STX18: variants seen among roughly 807,000 people sequenced by gnomAD.
The protein encoded by STX18 is syntaxin-18.
A neutral mutation model predicts 50.1 loss-of-function variants in STX18; 40 were observed. The observed-to-expected ratio is 0.80, with a 90% confidence interval of 0.62 to 1.04. The LOEUF is 1.04. STX18 is among the 50% of genes least tolerant of loss of function. The probability of loss-of-function intolerance (pLI) is 0.00; values close to 1 mark genes in which losing one functional copy is unlikely to be tolerated. For synonymous variants in STX18, 158 were observed against 151.8 expected, an observed-to-expected ratio of 1.04 and a Z score of -0.30; for missense variants, 410 against 415.8, an observed-to-expected ratio of 0.99 and a Z score of 0.12.
chr4:4,434,801 T>G lies in STX18; in HGVS notation c.671A>C (p.Glu224Ala), dbSNP rs774231425. The change falls in exon 7 of 11, where the codon GAA becomes GCA. Residue 224 changes from glutamate (E) to alanine (A), a missense_variant. By Grantham distance (107) the Glu-to-Ala change is moderately radical. Transcript: ENST00000306200. ...TATTTCTTCTGGGGATAACTCATCT[T>G]CGCCTTTGCCATCTCCCCACGTTCC... ...ELGTWGDGKG[E>A]DELSPEEIQM... 6.2e-7 allele frequency: 1 copy of G among 1,607,662 alleles called. No homozygotes were observed. Among genetic ancestry groups the G allele is most frequent in the Non-Finnish European group, 8.5e-7 (1 of 1,178,430 alleles).
intron 2 of STX18, among the ~76,000 whole-genome samples, chr4:4,467,416 G>A (rs893099972): frequency 3.3e-5 from 5 of 152,194 alleles, no homozygotes; most frequent in Admixed American, 6.5e-5. Context: ...CTCGTTCGCT[G>A]TCATAACTTT....
intron 1 of STX18, among the ~76,000 whole-genome samples, chr4:4,471,935 G>A (rs912037394): frequency 3.9e-5 from 6 of 152,224 alleles, no homozygotes; most frequent in Non-Finnish European, 5.9e-5. Flanking sequence ...ATGACACTAT[G>A]AGTAGGTGAT....
chr4:4,433,981 A>G (rs1212337749), intron 7 of STX18, among the ~76,000 whole-genome samples: 4 of 152,202 alleles, frequency 2.6e-5, no homozygotes, highest in Non-Finnish European at 4.4e-5. Context: ...ATGTTCCACC[A>G]CCTCTTTGTG....
chr4:4,450,837 A>C lies in STX18; in HGVS notation c.497+6354T>G, dbSNP rs189733303. ...TCAGGACTGACTTCTTCAGGAAGTC[A>C]AAGGGCTTCACTGACTTTTAAAATA... On this transcript the variant is annotated intron_variant, in intron 5 of 10. Transcript: ENST00000306200. 5.1e-4 allele frequency among the ~76,000 whole-genome samples: 77 copies of C among 152,356 alleles called. 2 individuals are homozygous for C. In the East Asian group the frequency reaches 0.012, roughly 24 times the overall value.
At chr4:4,442,500 C>A (rs923743817) in intron 5 of STX18, among the ~76,000 whole-genome samples, 3 of 152,026 alleles carry the variant, frequency 2.0e-5, no homozygotes, top group Non-Finnish European at 4.4e-5. Context: ...ACCTGTAGTC[C>A]CAGCTACTCA....
In STX18 at chr4:4,420,741, G is replaced by C. The variant is rs1436324310; in HGVS notation, c.912+123C>G. On this transcript the variant is annotated intron_variant, in intron 10 of 10. Transcript: ENST00000306200. The surrounding 1 kb of genome is among the most constrained non-coding windows in gnomAD (Gnocchi z 4.3). ...CGCAGCTCCGCGGTCACACAATTTT[G>C]TGATCAGCCCCGTGAGCTCTGCCCA... The C allele has an allele frequency of 5.8e-6, 5 of 855,306 alleles. No individual in the cohort carries two copies. Among genetic ancestry groups the C allele is most frequent in the Non-Finnish European group, 9.5e-6 (5 of 525,562 alleles). The allele number at this position is 855,306 out of a possible 1,614,324, so 53.0% of individuals were successfully genotyped here.
At chr4:4,497,017 C>A (rs1047909670) in intron 1 of STX18, among the ~76,000 whole-genome samples, 1 of 152,118 alleles carries the variant, frequency 6.6e-6, no homozygotes, top group South Asian at 2.1e-4. Flanking sequence ...ATGTTTTACG[C>A]GAAACAAACC....
chr4:4,459,500 A>C lies in STX18; in HGVS notation c.237-13T>G. 6.3e-7 allele frequency: 1 copy of C among 1,579,918 alleles called. No individual in the cohort carries two copies. The highest frequency in any genetic ancestry group is 8.7e-7 in the Non-Finnish European group (1 of 1,148,946). ...AGACATGGTATGGCTAAAAAAAGACAGCAAAGGAAAGGGCAGCAGCAAATG... is the reference window on the plus strand; with the variant it reads ...AGACATGGTATGGCTAAAAAAAGACCGCAAAGGAAAGGGCAGCAGCAAATG... On this transcript the variant is annotated splice_polypyrimidine_tract_variant and intron_variant, in intron 2 of 10. Transcript: ENST00000306200.
intron 2 of STX18, among the ~76,000 whole-genome samples, chr4:4,465,035 G>A (rs1331778731): frequency 2.6e-5 from 4 of 151,954 alleles, no homozygotes; most frequent in South Asian, 4.2e-4. Flanking sequence ...GTGTTAACTC[G>A]AGATCTTTTT....
intron 1 of STX18, among the ~76,000 whole-genome samples, chr4:4,516,629 G>T (rs956113475): frequency 1.3e-5 from 2 of 152,164 alleles, no homozygotes; most frequent in South Asian, 2.1e-4. Context: ...CATTTAAGTT[G>T]TAAGTAAAGT....
rs550998792 is a variant in STX18, at chr4:4,538,824, C to T, written c.168+2973G>A. 1.7e-4 allele frequency among the ~76,000 whole-genome samples: 26 copies of T among 152,288 alleles called. 1 individual carries two copies. Among genetic ancestry groups the T allele is most frequent in the African/African-American group, 6.0e-4 (25 of 41,556 alleles). ...TCCCATCATCCTCACTAGTCCCACA[C>T]TTCAAATGAGTTAACTAATCAAATT... On this transcript the variant is annotated intron_variant, in intron 1 of 10. Transcript: ENST00000306200.
Position 4,420,409 on chromosome 4 carries a change from G to T in STX18, c.913-280C>A. On this transcript the variant is annotated intron_variant, in intron 10 of 10. Coordinates refer to ENST00000306200, the MANE Select transcript of STX18 (RefSeq NM_016930.4). This position sits in a 1 kb window ranked among gnomAD's most constrained non-coding sequence, Gnocchi z 4.3. The stretch of plus-strand genomic sequence containing the variant: ...GTCCCAGGGTTAAGGGCCCCGAGCA[G>T]AGTGTGACCGCAAGCTTTGTGTTTC... The T allele has an allele frequency of 2.2e-6, 1 of 450,756 alleles. No homozygotes were observed. The highest frequency in any genetic ancestry group is 2.7e-5 in the South Asian group (1 of 37,644). The allele number at this position is 450,756 out of a possible 1,614,324, so 27.9% of individuals were successfully genotyped here. A position where few individuals can be genotyped will look rare whatever the true frequency, so the allele number is the denominator to read the frequency against.
At position 4,511,713 on chromosome 4, in the gene STX18, AGTGTGTGTGTGTGTGTGT is replaced by A. The variant is rs3038434; in HGVS notation, c.168+30066_168+30083del. ...CAATCACCAAACAACACTCATGATT[AGTGTGTGTGTGTGTGTGT>A]GTGTGTGTGTGTGTGTGTGTGTGTG... On this transcript the variant is annotated intron_variant, in intron 1 of 10. Transcript: ENST00000306200. Among the ~76,000 whole-genome samples the A allele has an allele frequency of 3.9e-4, 53 of 137,506 alleles. 1 individual carries two copies. Among genetic ancestry groups the A allele is most frequent in the South Asian group, 2.5e-3 (10 of 3,942 alleles). The allele number at this position is 137,506 out of a possible 152,430, so 90.2% of individuals were successfully genotyped here.
Position 4,434,846 on chromosome 4 carries a change from G to A in STX18, c.626C>T (p.Ala209Val). ...CGTTCCCAATTCAGGTTGTGTTTCA[G>A]CCAAAATTTTTTCTGTTAAAAAAAA... ...ATEERPEKIL[A>V]ETQPELGTWG... The change falls in exon 7 of 11, where the codon GCT becomes GTT. Residue 209 changes from alanine (A) to valine (V), a missense_variant. Coordinates refer to ENST00000306200, the MANE Select transcript of STX18 (RefSeq NM_016930.4). The A allele has an allele frequency of 6.3e-7, 1 of 1,598,764 alleles. No homozygotes were observed.
At chr4:4,504,479 C>G (rs1729603412) in intron 1 of STX18, among the ~76,000 whole-genome samples, 1 of 152,042 alleles carries the variant, frequency 6.6e-6, no homozygotes, top group African/African-American at 2.4e-5. Flanking sequence ...GCTCTGATAC[C>G]TCTCGAAACT....
At chr4:4,492,076 T>A (rs771058382) in intron 1 of STX18, among the ~76,000 whole-genome samples, 1 of 152,078 alleles carries the variant, frequency 6.6e-6, no homozygotes, top group Admixed American at 6.5e-5. Context: ...TGTTTAAACT[T>A]AGGAAAGAAA....
chr4:4,533,795 C>G (rs921208515), intron 1 of STX18, among the ~76,000 whole-genome samples: 3 of 152,192 alleles, frequency 2.0e-5, no homozygotes, highest in Admixed American at 6.5e-5. Context: ...AATAATTGGT[C>G]AACTGCCAAC....
chr4:4,441,236 G>A (rs760648875), intron 5 of STX18, among the ~76,000 whole-genome samples: 5 of 152,172 alleles, frequency 3.3e-5, no homozygotes, highest in Non-Finnish European at 7.3e-5. Flanking sequence ...TGGAGTTCAA[G>A]GGGAAGAAAC....
chr4:4,466,006 A>G (rs1727603079), intron 2 of STX18, among the ~76,000 whole-genome samples: 1 of 152,268 alleles, frequency 6.6e-6, no homozygotes, highest in Admixed American at 6.5e-5. Context: ...TCATGGCACT[A>G]TAAACATGCA....
Sources: gnomAD v4.1 joint callset for allele counts (sites outside exome capture counted in the v4.1 genomes callset) on GRCh38, gnomAD v4.1.1 for gene constraint, Gnocchi (gnomAD v3.1) non-coding constraint, MANE v1.5 for transcripts, NCBI Gene and HGNC (gene_info 2026-07-23, HGNC 2026-07-21) for gene names.